RBFOX3: variants seen among roughly 807,000 people sequenced by gnomAD.
The protein encoded by RBFOX3 is RNA binding fox-1 homolog 3.
In RBFOX3, 17 loss-of-function variants were observed where a neutral mutation model predicts 48.7. The observed-to-expected ratio is 0.35, with a 90% CI of 0.24 to 0.52. The LOEUF is 0.52. RBFOX3 is among the 20% of genes least tolerant of loss of function. RBFOX3 has a pLI of 0.94. For synonymous variants in RBFOX3, 212 were observed against 209.5 expected, an observed-to-expected ratio of 1.01 and a Z score of -0.10; for missense variants, 382 against 497.5, an observed-to-expected ratio of 0.77 and a Z score of 2.21.
At chr17:79,241,258 C>T (rs1006295209) in intron 3 of RBFOX3, among the ~76,000 whole-genome samples, 2 of 151,790 alleles carry the variant, frequency 1.3e-5, no homozygotes, top group African/African-American at 4.8e-5. Flanking sequence ...AAGTGAGCCT[C>T]CCACTTCGGC....
intron 2 of RBFOX3, among the ~76,000 whole-genome samples, chr17:79,419,573 T>G (rs2065910281): frequency 6.6e-6 from 1 of 152,316 alleles, no homozygotes; most frequent in South Asian, 2.1e-4. Flanking sequence ...GCTCTGCCAC[T>G]TTTACACAGG....
At chr17:79,258,723 T>TG (rs1247450664) in intron 3 of RBFOX3, among the ~76,000 whole-genome samples, 3 of 151,998 alleles carry the variant, frequency 2.0e-5, no homozygotes, top group Non-Finnish European at 4.4e-5. Context: ...GGCTGGTTGG[T>TG]GGGGGGTGCA....
intron 2 of RBFOX3, among the ~76,000 whole-genome samples, chr17:79,463,421 G>A (rs1174210986): frequency 2.2e-5 from 3 of 135,514 alleles, no homozygotes; most frequent in Non-Finnish European, 1.6e-5. Context: ...CACTGCCATT[G>A]CCACTGCCAC....
At chr17:79,185,338 C>T (rs2053180805) in intron 4 of RBFOX3, among the ~76,000 whole-genome samples, 1 of 152,216 alleles carries the variant, frequency 6.6e-6, no homozygotes, top group Non-Finnish European at 1.5e-5. Flanking sequence ...CTGTCAGTAA[C>T]TTGGTTTCCC....
At chr17:79,635,047 G>A in the RBFOX3 span, among the ~76,000 whole-genome samples, 8 of 110,980 alleles carry the variant, frequency 7.2e-5, no homozygotes, top group African/African-American at 2.1e-4. Context: ...GCAATAAAGC[G>A]AGACTCCATC....
chr17:79,388,926 A>G (rs557880365), intron 2 of RBFOX3, among the ~76,000 whole-genome samples: 2 of 152,318 alleles, frequency 1.3e-5, no homozygotes, highest in South Asian at 4.1e-4. Flanking sequence ...AACTCCTCCC[A>G]GCCGCCAAGC....
chr17:79,357,173 C>T (rs72849661), intron 2 of RBFOX3, among the ~76,000 whole-genome samples: 1,952 of 152,344 alleles, frequency 0.013, 20 homozygotes, highest in South Asian at 0.021. Context: ...CATCCTAAAA[C>T]GCAAACACAA....
chr17:79,395,862 T>A (rs1451326180), intron 2 of RBFOX3, among the ~76,000 whole-genome samples: 1 of 152,182 alleles, frequency 6.6e-6, no homozygotes, highest in Non-Finnish European at 1.5e-5. Flanking sequence ...GAGCAGAGCA[T>A]CCTGCAGAAG....
intron 3 of RBFOX3, among the ~76,000 whole-genome samples, chr17:79,302,415 C>T (rs1172513586): frequency 6.6e-6 from 1 of 152,190 alleles, no homozygotes; most frequent in East Asian, 1.9e-4. Flanking sequence ...TGTGGTGGCT[C>T]ACACCTGTAA....
At chr17:79,530,542 T>C (rs1298635804) in intron 1 of RBFOX3, among the ~76,000 whole-genome samples, 1 of 151,956 alleles carries the variant, frequency 6.6e-6, no homozygotes, top group African/African-American at 2.4e-5. Flanking sequence ...TCCACAAAAA[T>C]TCAGCACCAA....
At chr17:79,578,086 G>A (rs2092922467) in intron 1 of RBFOX3, among the ~76,000 whole-genome samples, 1 of 152,268 alleles carries the variant, frequency 6.6e-6, no homozygotes, top group Admixed American at 6.5e-5. Context: ...CGGATGGGCA[G>A]GAGGCAGAGC....
At chr17:79,131,968 A>G (rs1189238085) in intron 4 of RBFOX3, among the ~76,000 whole-genome samples, 1 of 152,124 alleles carries the variant, frequency 6.6e-6, no homozygotes, top group East Asian at 1.9e-4. Flanking sequence ...ACTGCATACA[A>G]ATCATAAATA....
intron 4 of RBFOX3, among the ~76,000 whole-genome samples, chr17:79,197,216 CG>C (rs1567824162): frequency 6.6e-6 from 1 of 152,152 alleles, no homozygotes. Context: ...AGCCCTCCGT[CG>C]GGGCTGTCCA....
rs577542487 is a variant in RBFOX3 at position 79,235,972 on chromosome 17, G to A, written c.-73-167C>T. Among the ~76,000 whole-genome samples, 53 of 152,296 alleles carry A rather than the reference G, an allele frequency of 3.5e-4. No individual in the cohort carries two copies. The South Asian group carries it at 0.01, about 29-fold the overall frequency. On this transcript the variant is annotated intron_variant, in intron 3 of 14. Coordinates refer to ENST00000693108, the MANE Select transcript of RBFOX3 (RefSeq NM_001350451.2). ...CTGCCTGGGTTAACCTCTGGCTGCC[G>A]TCTGCATCTCAAGCATGGCTGGGAG...
At chr17:79,186,846 TCTC>T (rs1457494622) in intron 4 of RBFOX3, among the ~76,000 whole-genome samples, 2 of 152,196 alleles carry the variant, frequency 1.3e-5, no homozygotes, top group African/African-American at 2.4e-5. Flanking sequence ...GCTTTGGAGA[TCTC>T]CTGGCTCCTT....
At chr17:79,365,337 T>C (rs959177301) in intron 2 of RBFOX3, among the ~76,000 whole-genome samples, 1 of 152,164 alleles carries the variant, frequency 6.6e-6, no homozygotes, top group Admixed American at 6.5e-5. Context: ...TGTTAAGTAA[T>C]ACAACAAACT....
rs887790852 is a variant in RBFOX3 at position 79,220,654 on chromosome 17, C to T, written c.-34+15112G>A. Among the ~76,000 whole-genome samples the T allele has an allele frequency of 6.6e-6, 1 of 151,968 alleles. No homozygotes were observed. Among genetic ancestry groups the T allele is most frequent in the African/African-American group, 2.4e-5 (1 of 41,376 alleles). On this transcript the variant is annotated intron_variant, in intron 4 of 14. Transcript: ENST00000693108. The surrounding 1 kb of genome is among the most constrained non-coding windows in gnomAD (Gnocchi z 5.9). ...AAACCTTCCAGCCTAGCAGATCTCA[C>T]GGATACCGGAATGGGGAGGACACTT...
the RBFOX3 span, among the ~76,000 whole-genome samples, chr17:79,646,438 C>T: frequency 3.3e-5 from 5 of 152,212 alleles, no homozygotes; most frequent in African/African-American, 4.8e-5. Flanking sequence ...TACAGTTCCA[C>T]ATAACTGGGG....
At chr17:79,278,555 C>T (rs934692331) in intron 3 of RBFOX3, among the ~76,000 whole-genome samples, 2 of 152,150 alleles carry the variant, frequency 1.3e-5, no homozygotes, top group African/African-American at 4.8e-5. Context: ...CATGCAGACC[C>T]CCCACCCTGC....
Sources: gnomAD v4.1 joint callset for allele counts (sites outside exome capture counted in the v4.1 genomes callset) on GRCh38, gnomAD v4.1.1 for gene constraint, Gnocchi (gnomAD v3.1) non-coding constraint, MANE v1.5 for transcripts, NCBI Gene and HGNC (gene_info 2026-07-23, HGNC 2026-07-21) for gene names.